Variants in BASP1 observed in about 807,000 individuals in gnomAD.
The protein encoded by BASP1 is brain abundant membrane attached signal protein 1.
In BASP1, 1 loss-of-function variant was observed where a neutral mutation model predicts 2.2. The ratio of observed to expected loss-of-function variants is 0.46; its 90% CI spans 0.16 to 2.17. BASP1 has a LOEUF of 2.17. Among genes scored for constraint, BASP1 ranks in the 30% most tolerant of loss-of-function variants. The pLI, the probability that BASP1 is intolerant of heterozygous loss-of-function variation, is 0.27. For synonymous variants in BASP1, 187 were observed against 154.2 expected (o/e 1.21, Z -1.58); for missense variants, 352 against 327.2 (o/e 1.08, Z -0.58).
intron 1 of BASP1, among the ~76,000 whole-genome samples, chr5:17,237,652 C>G (rs933312904): frequency 4.1e-4 from 60 of 148,050 alleles, no homozygotes; most frequent in African/African-American, 1.4e-3. Flanking sequence ...GATGGAGTCT[C>G]GCTCTGCCAC....
chr5:17,265,497 TGA>T (rs149765878), intron 1 of BASP1, among the ~76,000 whole-genome samples: 1 of 152,326 alleles, frequency 6.6e-6, no homozygotes, highest in African/African-American at 2.4e-5. Context: ...GAAGGGCTCT[TGA>T]GAGCTATTTG....
At chr5:17,258,250 CTGCT>C (rs1740253333) in intron 1 of BASP1, among the ~76,000 whole-genome samples, 1 of 152,192 alleles carries the variant, frequency 6.6e-6, no homozygotes, top group Non-Finnish European at 1.5e-5. Context: ...GCTAGGTTTT[CTGCT>C]GTGCTTGTTT....
chr5:17,217,522 G>C (rs1199393784), upstream of BASP1: 3 of 138,008 alleles, frequency 2.2e-5, no homozygotes, highest in Admixed American at 2.1e-4. Context: ...CGGGGAGCGC[G>C]GGAGGAGGGA....
rs148597377 is a variant in BASP1 at position 17,275,827 on chromosome 5, C to G, written c.611C>G (p.Ala204Gly). ...SSTPKAQGPA[A>G]SAEEPKPVEA... ...ACACCCAAGGCCCAGGGCCCCGCAG[C>G]CTCTGCAGAAGAGCCCAAGCCGGTG... The change falls in exon 2 of 2, where the codon GCC becomes GGC. Residue 204 changes from alanine to glycine, a missense_variant. Coordinates refer to ENST00000322611, the MANE Select transcript of BASP1 (RefSeq NM_006317.5). The surrounding 1 kb of genome is among the most constrained non-coding windows in gnomAD (Gnocchi z 5.3). 1,534 of 1,611,744 alleles carry G rather than the reference C, an allele frequency of 9.5e-4. 2 individuals are homozygous for G. The highest frequency in any genetic ancestry group is 6.6e-3 in the African/African-American group (496 of 74,908).
At chr5:17,250,588 G>GTTTATT (rs1315670129) in intron 1 of BASP1, among the ~76,000 whole-genome samples, 7 of 152,010 alleles carry the variant, frequency 4.6e-5, no homozygotes, top group African/African-American at 9.7e-5. Flanking sequence ...ATGTATTGAA[G>GTTTATT]TTTATTTTTA....
chr5:17,253,851 T>G (rs1413375871), intron 1 of BASP1, among the ~76,000 whole-genome samples: 2 of 152,170 alleles, frequency 1.3e-5, no homozygotes, highest in African/African-American at 4.8e-5. Flanking sequence ...TACTCACCAG[T>G]GATGAGAAGA....
At chr5:17,268,273 A>C (rs1740458466) in intron 1 of BASP1, among the ~76,000 whole-genome samples, 1 of 152,204 alleles carries the variant, frequency 6.6e-6, no homozygotes, top group South Asian at 2.1e-4. Context: ...CAAACAAATA[A>C]AATATTTCAT....
Position 17,275,987 on chromosome 5 carries a change from C to T in BASP1, c.*87C>T. 1.7e-6 allele frequency: 2 copies of T among 1,154,872 alleles called. No homozygotes were observed. The highest frequency in any genetic ancestry group is 1.2e-6 in the Non-Finnish European group (1 of 859,132). 71.5% of individuals were successfully genotyped at this position (1,154,872 alleles called of 1,614,324 possible). A position where few individuals can be genotyped will look rare whatever the true frequency, so the allele number is the denominator to read the frequency against. On this transcript the variant is annotated 3_prime_UTR_variant, in exon 2 of 2. Transcript: ENST00000322611. This position sits in a 1 kb window ranked among gnomAD's most constrained non-coding sequence, Gnocchi z 5.3. The stretch of plus-strand genomic sequence containing the variant: ...TCTCTCTCTATCTCTCTCTCTATCT[C>T]CTCTCTCTCTCTCCTCTCCTATCTC...
intron 1 of BASP1, among the ~76,000 whole-genome samples, chr5:17,241,216 C>T (rs1739856472): frequency 6.6e-6 from 1 of 151,878 alleles, no homozygotes; most frequent in African/African-American, 2.4e-5. Flanking sequence ...TCTTGTGCCT[C>T]AGCCTCCTGA....
chr5:17,251,190 TATA>T lies in BASP1; in HGVS notation c.-9-24015_-9-24013del, dbSNP rs1740096312. On this transcript the variant is annotated intron_variant, in intron 1 of 1. Transcript: ENST00000322611. This position sits in a 1 kb window ranked among gnomAD's most constrained non-coding sequence, Gnocchi z 4.0. ...AAATATCACATGTACCCCCAAAATA[TATA>T]ATGTGATTATATGTCAATACAAAAC... 6.6e-6 allele frequency among the ~76,000 whole-genome samples: 1 copy of T among 152,058 alleles called. No individual in the cohort carries two copies. The highest frequency in any genetic ancestry group is 1.5e-5 in the Non-Finnish European group (1 of 68,014).
chr5:17,231,047 C>A (rs1739625795), intron 1 of BASP1, among the ~76,000 whole-genome samples: 1 of 151,994 alleles, frequency 6.6e-6, no homozygotes, highest in South Asian at 2.1e-4. Flanking sequence ...ATAAACAAAC[C>A]ACTGGTCTTA....
rs1455763809 is a variant in BASP1 at position 17,236,298 on chromosome 5, T to C, written c.-10+18488T>C. Among the ~76,000 whole-genome samples, 1 of 152,152 alleles carries C rather than the reference T, an allele frequency of 6.6e-6. No homozygotes were observed. The highest frequency in any genetic ancestry group is 1.5e-5 in the Non-Finnish European group (1 of 68,014). ...TTTTTTTTGGGATGGAGTTTCACTC[T>C]TGTTGCCCAGGCTGGAGTGTAATGG... On this transcript the variant is annotated intron_variant, in intron 1 of 1. Coordinates refer to ENST00000322611, the MANE Select transcript of BASP1 (RefSeq NM_006317.5). This position sits in a 1 kb window ranked among gnomAD's most constrained non-coding sequence, Gnocchi z 4.0.
At chr5:17,262,615 A>G (rs1386971048) in intron 1 of BASP1, among the ~76,000 whole-genome samples, 1 of 152,196 alleles carries the variant, frequency 6.6e-6, no homozygotes, top group African/African-American at 2.4e-5. Context: ...TTATATTTCT[A>G]CTGTCTCAGA....
At chr5:17,252,365 T>G (rs539096841) in intron 1 of BASP1, among the ~76,000 whole-genome samples, 70 of 152,294 alleles carry the variant, frequency 4.6e-4, no homozygotes, top group African/African-American at 1.5e-3. Flanking sequence ...ATTGTCTTAT[T>G]TAATTTTTAT....
rs1740316767 is a variant in BASP1 at position 17,261,608 on chromosome 5, G to A, written c.-9-13600G>A. 2.6e-5 allele frequency among the ~76,000 whole-genome samples: 4 copies of A among 151,870 alleles called. No homozygotes were observed. In the South Asian group the frequency reaches 6.2e-4, roughly 24 times the overall value. The stretch of plus-strand genomic sequence containing the variant: ...ATCAGATTTGGAATTTATCTCATTG[G>A]CTTCTCTCCCCCCCACCGTCTGCAT... On this transcript the variant is annotated intron_variant, in intron 1 of 1. Coordinates refer to ENST00000322611, the MANE Select transcript of BASP1 (RefSeq NM_006317.5).
rs1007573982 is a variant in BASP1 at position 17,260,914 on chromosome 5, A to G, written c.-9-14294A>G. On this transcript the variant is annotated intron_variant, in intron 1 of 1. Coordinates refer to ENST00000322611, the MANE Select transcript of BASP1 (RefSeq NM_006317.5). The surrounding 1 kb of genome is among the most constrained non-coding windows in gnomAD (Gnocchi z 4.2). Reference sequence around the variant, plus strand: ...CAGGCCTGGCCTGGTGGTGGCTAACACCTGTAATCCCAGCACTTTGGGAGA... The same window carrying G: ...CAGGCCTGGCCTGGTGGTGGCTAACGCCTGTAATCCCAGCACTTTGGGAGA... 5.9e-5 allele frequency among the ~76,000 whole-genome samples: 9 copies of G among 152,348 alleles called. No homozygotes were observed. Among genetic ancestry groups the G allele is most frequent in the African/African-American group, 2.2e-4 (9 of 41,582 alleles).
At chr5:17,232,299 T>C (rs531232518) in intron 1 of BASP1, among the ~76,000 whole-genome samples, 1 of 152,372 alleles carries the variant, frequency 6.6e-6, no homozygotes, top group South Asian at 2.1e-4. Flanking sequence ...GCTTTTGGTC[T>C]GCTTTGGATC....
intron 1 of BASP1, among the ~76,000 whole-genome samples, chr5:17,218,014 C>G (rs1393984719): frequency 2.0e-5 from 3 of 151,658 alleles, no homozygotes; most frequent in African/African-American, 7.3e-5. Flanking sequence ...GATGGGGGGC[C>G]CAGAAGTGGG....
At chr5:17,270,810 C>G (rs1740515566) in intron 1 of BASP1, among the ~76,000 whole-genome samples, 1 of 152,148 alleles carries the variant, frequency 6.6e-6, no homozygotes, top group Non-Finnish European at 1.5e-5. Context: ...CATGGCCTCA[C>G]ATTAAATTCC....
Sources: allele counts gnomAD v4.1 joint callset (sites outside exome capture counted in the v4.1 genomes callset), GRCh38; gene constraint gnomAD v4.1.1; non-coding constraint Gnocchi (gnomAD v3.1); transcripts MANE v1.5; gene names NCBI Gene and HGNC (gene_info 2026-07-23, HGNC 2026-07-21).